MAP1LC3B2: variants seen among roughly 807,000 people sequenced by gnomAD.
MAP1LC3B2 encodes microtubule-associated protein 1 light chain 3 beta 2.
For synonymous variants in MAP1LC3B2, 62 were observed against 57.8 expected, an observed-to-expected ratio of 1.07 and a Z score of -0.33; for missense variants, 155 against 154.6, an observed-to-expected ratio of 1.00 and a Z score of -0.01.
chr12:116,566,930 C>CAAAAAAAAAAA lies in MAP1LC3B2; in HGVS notation c.-102+7528_-102+7538dup. On this transcript the variant is annotated intron_variant, in intron 1 of 1. Coordinates refer to ENST00000556529, the MANE Select transcript of MAP1LC3B2 (RefSeq NM_001085481.3). ...TGGGCCACAGAGTGAGACTCTGTCT[C>CAAAAAAAAAAA]AAAAAAAAAAAAAAAAAAAAAAAAA... 1.0e-3 allele frequency among the ~76,000 whole-genome samples: 27 copies of CAAAAAAAAAAA among 26,762 alleles called. 4 individuals carry two copies. Among genetic ancestry groups the CAAAAAAAAAAA allele is most frequent in the Non-Finnish European group, 1.6e-3 (21 of 12,962 alleles). The allele number at this position is 26,762 out of a possible 152,430, so 17.6% of individuals were successfully genotyped here.
intron 1 of MAP1LC3B2, chr12:116,560,233 T>C (rs1319023002): frequency 1.0e-4 from 13 of 128,816 alleles, no homozygotes; most frequent in African/African-American, 3.5e-4. Flanking sequence ...TATATATATA[T>C]ATATATATGT....
chr12:116,561,204 G>A (rs1869263330), intron 1 of MAP1LC3B2, among the ~76,000 whole-genome samples: 1 of 151,946 alleles, frequency 6.6e-6, no homozygotes, highest in African/African-American at 2.4e-5. Flanking sequence ...GAGCCCAGAA[G>A]TTCGAGGCTG....
At chr12:116,570,049 T>C (rs1191620703) in intron 1 of MAP1LC3B2, among the ~76,000 whole-genome samples, 1 of 151,824 alleles carries the variant, frequency 6.6e-6, no homozygotes, top group Non-Finnish European at 1.5e-5. Flanking sequence ...TGAGACTCCA[T>C]CTCAAAAATA....
At chr12:116,560,216 A>ATATATATATATGTATGTATATG (rs1869226308) in intron 1 of MAP1LC3B2, 1 of 70,992 alleles carries the variant, frequency 1.4e-5, no homozygotes. Flanking sequence ...ATATATATAT[A>ATATATATATATGTATGTATATG]TATATATATA....
At chr12:116,572,689 A>G (rs1466186861) in intron 1 of MAP1LC3B2, among the ~76,000 whole-genome samples, 3 of 152,222 alleles carry the variant, frequency 2.0e-5, no homozygotes, top group African/African-American at 7.2e-5. Flanking sequence ...TCTACATGCC[A>G]TAGAACAATC....
intron 1 of MAP1LC3B2, among the ~76,000 whole-genome samples, chr12:116,566,889 C>T (rs1387674104): frequency 8.5e-6 from 1 of 118,016 alleles, no homozygotes; most frequent in Non-Finnish European, 1.6e-5. Flanking sequence ...CAAGATCGTG[C>T]CACTGCATTC....
chr12:116,576,004 G>C lies in MAP1LC3B2; in HGVS notation c.62G>C (p.Arg21Pro). The change falls in exon 2 of 2, where the codon CGA becomes CCA. Residue 21 changes from arginine to proline, a missense_variant. Arg to Pro is a moderately radical substitution (Grantham distance 103, BLOSUM62 -2). Coordinates refer to ENST00000556529, the MANE Select transcript of MAP1LC3B2 (RefSeq NM_001085481.3). ...TTCGAACAAAGAGTAGAAGATGTCC[G>C]ACTTATTCGAGAGCAGCATCCAACC... ...RTFEQRVEDV[R>P]LIREQHPTKI... 1 of 1,614,178 alleles carries C rather than the reference G, an allele frequency of 6.2e-7. No homozygotes were observed. The highest frequency in any genetic ancestry group is 8.5e-7 in the Non-Finnish European group (1 of 1,180,036).
At chr12:116,562,992 G>A (rs1428860600) in intron 1 of MAP1LC3B2, among the ~76,000 whole-genome samples, 3 of 152,040 alleles carry the variant, frequency 2.0e-5, no homozygotes, top group South Asian at 2.1e-4. Context: ...ATGGAGTTTC[G>A]CTCTTGTTGT....
intron 1 of MAP1LC3B2, among the ~76,000 whole-genome samples, chr12:116,570,621 A>T (rs534227292): frequency 2.0e-3 from 301 of 152,236 alleles, no homozygotes; most frequent in South Asian, 5.2e-3. Flanking sequence ...TCCCCCTTTC[A>T]CTTGGCTCTC....
chr12:116,572,489 C>T (rs945656548), intron 1 of MAP1LC3B2, among the ~76,000 whole-genome samples: 5 of 152,056 alleles, frequency 3.3e-5, no homozygotes, highest in Non-Finnish European at 7.4e-5. Context: ...CTCAGCCTCC[C>T]GAGTAGCTGG....
rs147123589 is a variant in MAP1LC3B2 at position 116,575,951 on chromosome 12, G to C, written c.9G>C (p.Ser3=). The change falls in exon 2 of 2, where the codon TCG becomes TCC. Residue 3 remains serine (S), a synonymous_variant. Coordinates refer to ENST00000556529, the MANE Select transcript of MAP1LC3B2 (RefSeq NM_001085481.3). MP[S]EKTFKQRRTF... ...GCCCAGATCCCCACACCATGCCGTC[G>C]GAGAAGACCTTCAAGCAGCGGCGCA... 6.2e-7 allele frequency: 1 copy of C among 1,614,040 alleles called. No individual in the cohort carries two copies. Among genetic ancestry groups the C allele is most frequent in the African/African-American group, 1.3e-5 (1 of 74,912 alleles).
chr12:116,565,624 G>C (rs1455970824), intron 1 of MAP1LC3B2, among the ~76,000 whole-genome samples: 1 of 152,192 alleles, frequency 6.6e-6, no homozygotes, highest in African/African-American at 2.4e-5. Context: ...TAGATGACTG[G>C]ACAAATTAGC....
chr12:116,576,000 G>GTCCGAC lies in MAP1LC3B2; in HGVS notation c.60_65dup (p.Arg21_Leu22dup), dbSNP rs780337306. The GTCCGAC allele has an allele frequency of 1.9e-5, 30 of 1,614,122 alleles. No individual in the cohort carries two copies. Among genetic ancestry groups the GTCCGAC allele is most frequent in the Non-Finnish European group, 2.5e-5 (29 of 1,180,048 alleles). ...CACCTTCGAACAAAGAGTAGAAGAT[G>GTCCGAC]TCCGACTTATTCGAGAGCAGCATCC... is the stretch of plus-strand genomic sequence containing the variant. On this transcript the variant is annotated inframe_insertion, in exon 2 of 2. Coordinates refer to ENST00000556529, the MANE Select transcript of MAP1LC3B2 (RefSeq NM_001085481.3).
At chr12:116,568,465 C>T (rs1419116074) in intron 1 of MAP1LC3B2, among the ~76,000 whole-genome samples, 2 of 152,184 alleles carry the variant, frequency 1.3e-5, no homozygotes, top group Non-Finnish European at 2.9e-5. Context: ...ACTTTATTCA[C>T]AAGTCTGTAA....
chr12:116,559,730 C>G (rs1208621496), intron 1 of MAP1LC3B2: 2 of 152,172 alleles, frequency 1.3e-5, no homozygotes, highest in African/African-American at 4.8e-5. Context: ...TAAAGCCCAG[C>G]GGAGGGGCCA....
At chr12:116,569,434 A>C (rs889648299) in intron 1 of MAP1LC3B2, among the ~76,000 whole-genome samples, 2 of 152,182 alleles carry the variant, frequency 1.3e-5, no homozygotes, top group African/African-American at 4.8e-5. Context: ...CCCACAACGT[A>C]GTAGTTGTTA....
rs1192554966 is a variant in MAP1LC3B2 at position 116,564,119 on chromosome 12, C to T, written c.-102+4686C>T. 2.0e-5 allele frequency among the ~76,000 whole-genome samples: 3 copies of T among 152,216 alleles called. No homozygotes were observed. The East Asian group carries it at 5.8e-4, about 29-fold the overall frequency. ...TTCTTTTTTTATAGCTTCCACTTTT[C>T]ACTATGTTTATATTCTTTAGATCTA... On this transcript the variant is annotated intron_variant, in intron 1 of 1. Coordinates refer to ENST00000556529, the MANE Select transcript of MAP1LC3B2 (RefSeq NM_001085481.3).
intron 1 of MAP1LC3B2, among the ~76,000 whole-genome samples, chr12:116,565,183 G>A (rs1347810474): frequency 6.6e-6 from 1 of 152,218 alleles, no homozygotes; most frequent in Non-Finnish European, 1.5e-5. Context: ...AGAGACCACA[G>A]AAACTCTGGA....
intron 1 of MAP1LC3B2, among the ~76,000 whole-genome samples, chr12:116,563,299 G>A (rs1869314855): frequency 6.7e-6 from 1 of 150,110 alleles, no homozygotes; most frequent in Non-Finnish European, 1.5e-5. Context: ...AGGTCTACCG[G>A]TAATAAATTC....
Sources: allele counts gnomAD v4.1 joint callset (sites outside exome capture counted in the v4.1 genomes callset), GRCh38; gene constraint gnomAD v4.1.1; transcripts MANE v1.5; gene names NCBI Gene and HGNC (gene_info 2026-07-23, HGNC 2026-07-21).